The following CDH13 variants were observed in gnomAD, a reference collection of about 807,000 sequenced individuals.
The protein encoded by CDH13 is cadherin-13.
CDH13 carries 24 observed loss-of-function variants against 63.8 expected under a neutral mutation model. That is an observed-to-expected ratio of 0.38 (90% CI 0.27 to 0.53). CDH13 has a LOEUF of 0.53. Ranked by LOEUF, CDH13 falls within the 20% of genes least tolerant of loss-of-function variation. The pLI, the probability that CDH13 is intolerant of heterozygous loss-of-function variation, is 0.85. For missense variants in CDH13, 1,049 were observed against 903.1 expected (o/e 1.16, Z -2.07); for synonymous variants, 503 against 355.3 (o/e 1.42, Z -4.67).
intron 10 of CDH13, among the ~76,000 whole-genome samples, chr16:83,738,822 C>T (rs1911784825): frequency 6.6e-6 from 1 of 152,194 alleles, no homozygotes; most frequent in Non-Finnish European, 1.5e-5. Context: ...AGGAGAATCG[C>T]TTGAACCCAG....
intron 4 of CDH13, among the ~76,000 whole-genome samples, chr16:83,141,678 C>G (rs1440069506): frequency 6.6e-6 from 1 of 152,070 alleles, no homozygotes. Context: ...TGTCCCCAAC[C>G]CCCAACAGGC....
chr16:82,801,257 T>C (rs539069146), intron 1 of CDH13, among the ~76,000 whole-genome samples: 1 of 152,304 alleles, frequency 6.6e-6, no homozygotes, highest in African/African-American at 2.4e-5. Context: ...CATTTCCCAC[T>C]CTGCTATCAG....
intron 6 of CDH13, among the ~76,000 whole-genome samples, chr16:83,416,190 A>G (rs1180936091): frequency 6.6e-6 from 1 of 152,248 alleles, no homozygotes; most frequent in Non-Finnish European, 1.5e-5. Context: ...AAACTTAACT[A>G]AGACAGTGAA....
intron 7 of CDH13, among the ~76,000 whole-genome samples, chr16:83,584,958 C>T (rs148336714): frequency 6.6e-6 from 1 of 152,282 alleles, no homozygotes; most frequent in African/African-American, 2.4e-5. Context: ...TCACTCACTA[C>T]TGTGGGGGTG....
intron 2 of CDH13, among the ~76,000 whole-genome samples, chr16:82,989,848 T>G (rs1002891465): frequency 2.0e-5 from 3 of 152,206 alleles, no homozygotes. Flanking sequence ...TTAATGAAGC[T>G]GCCCTTGTTA....
chr16:82,883,854 A>T (rs2040788605), intron 2 of CDH13, among the ~76,000 whole-genome samples: 1 of 152,176 alleles, frequency 6.6e-6, no homozygotes, highest in African/African-American at 2.4e-5. Context: ...TAATGAACAT[A>T]ACAGAATGCT....
chr16:82,728,935 T>G (rs563734042), intron 1 of CDH13, among the ~76,000 whole-genome samples: 1 of 152,194 alleles, frequency 6.6e-6, no homozygotes, highest in Non-Finnish European at 1.5e-5. Flanking sequence ...TCACAGTATC[T>G]TCCCAAGGAA....
chr16:83,204,398 C>T (rs560629328), intron 4 of CDH13, among the ~76,000 whole-genome samples: 4 of 152,308 alleles, frequency 2.6e-5, no homozygotes, highest in South Asian at 2.1e-4. Flanking sequence ...TAGCATGTGC[C>T]GGAGTCAGTG....
chr16:82,650,620 C>T (rs1910615697), intron 1 of CDH13, among the ~76,000 whole-genome samples: 1 of 152,118 alleles, frequency 6.6e-6, no homozygotes, highest in Non-Finnish European at 1.5e-5. Context: ...CAGTTAATAC[C>T]TTTCTTTGGT....
intron 1 of CDH13, among the ~76,000 whole-genome samples, chr16:82,715,120 A>T (rs2032269158): frequency 6.6e-6 from 1 of 150,470 alleles, no homozygotes; most frequent in Non-Finnish European, 1.5e-5. Context: ...TTCCATTCTG[A>T]GTTAATAATT....
rs560108864 is a variant in CDH13 at position 82,996,114 on chromosome 16, C to T, written c.158-35896C>T. Among the ~76,000 whole-genome samples the T allele has an allele frequency of 4.0e-4, 60 of 151,646 alleles. 1 individual carries two copies. Among genetic ancestry groups the T allele is most frequent in the Middle Eastern group, 3.4e-3 (1 of 294 alleles). ...GCATAGCAGAAGGAAGTAAAACCTT[C>T]GGGCAGATGAAATAATTCTTCCATT... On this transcript the variant is annotated intron_variant, in intron 2 of 13. Coordinates refer to ENST00000567109, the MANE Select transcript of CDH13 (RefSeq NM_001257.5).
At chr16:83,651,674 C>G (rs1003011985) in intron 8 of CDH13, among the ~76,000 whole-genome samples, 5 of 134,718 alleles carry the variant, frequency 3.7e-5, no homozygotes, top group South Asian at 5.2e-4. Flanking sequence ...TGGCTCACTA[C>G]AACCTCTGCC....
chr16:83,652,540 A>C (rs1912480962), intron 8 of CDH13, among the ~76,000 whole-genome samples: 1 of 152,110 alleles, frequency 6.6e-6, no homozygotes, highest in Non-Finnish European at 1.5e-5. Flanking sequence ...TGGTTTAGCC[A>C]AAGGTTTTGA....
chr16:83,724,313 T>C (rs1910099156), intron 10 of CDH13, among the ~76,000 whole-genome samples: 8 of 148,644 alleles, frequency 5.4e-5, no homozygotes, highest in Admixed American at 4.7e-4. Flanking sequence ...GGGTGAGTGA[T>C]GAATGAATGG....
chr16:83,020,266 G>A (rs1476861145), intron 2 of CDH13, among the ~76,000 whole-genome samples: 1 of 152,130 alleles, frequency 6.6e-6, no homozygotes, highest in Non-Finnish European at 1.5e-5. Context: ...CTTTTATTCT[G>A]GTTATTTCTG....
At chr16:82,636,932 C>T (rs1375257603) in intron 1 of CDH13, among the ~76,000 whole-genome samples, 2 of 152,176 alleles carry the variant, frequency 1.3e-5, no homozygotes, top group African/African-American at 4.8e-5. Context: ...GACCTGGATC[C>T]TGTTTCTAGC....
At chr16:82,643,915 T>TA (rs11434839) in intron 1 of CDH13, among the ~76,000 whole-genome samples, 125,456 of 147,970 alleles carry the variant, frequency 0.85, 54,072 homozygotes, top group Non-Finnish European at 0.93. Context: ...CCCAGTTAAT[T>TA]AAAAAAAAAA....
intron 2 of CDH13, chr16:82,990,324 G>C (rs143004662): frequency 6.6e-6 from 1 of 152,146 alleles, no homozygotes; most frequent in East Asian, 1.9e-4. Flanking sequence ...CTCTTGGAAT[G>C]ACTCAGGAGT....
At chr16:83,344,360 G>A (rs1391582347) in intron 5 of CDH13, among the ~76,000 whole-genome samples, 2 of 152,132 alleles carry the variant, frequency 1.3e-5, no homozygotes, top group Non-Finnish European at 2.9e-5. Context: ...TCTCATTCAG[G>A]CCCCCTGCAA....
Sources: allele counts gnomAD v4.1 joint callset (sites outside exome capture counted in the v4.1 genomes callset), GRCh38; gene constraint gnomAD v4.1.1; transcripts MANE v1.5; gene names NCBI Gene and HGNC (gene_info 2026-07-23, HGNC 2026-07-21).